PLPPR1: variants seen among roughly 807,000 people sequenced by gnomAD.
The protein encoded by PLPPR1 is phospholipid phosphatase related 1.
In PLPPR1, 10 loss-of-function variants were observed where a neutral mutation model predicts 33.1. That is an observed-to-expected ratio of 0.30 (90% CI 0.19 to 0.51). PLPPR1 has a LOEUF of 0.51. PLPPR1 is among the 20% of genes least tolerant of loss of function. The pLI, the probability that PLPPR1 is intolerant of heterozygous loss-of-function variation, is 0.97. For missense variants in PLPPR1, 304 were observed against 408.1 expected (o/e 0.74, Z 2.20); for synonymous variants, 151 against 151.0 (o/e 1.00, Z 0.00).
intron 1 of PLPPR1, among the ~76,000 whole-genome samples, chr9:101,049,959 T>G (rs1306412736): frequency 6.6e-6 from 1 of 151,650 alleles, no homozygotes; most frequent in Non-Finnish European, 1.5e-5. Context: ...AACCTGTCTC[T>G]ACTAAAAATG....
At chr9:101,225,226 C>T (rs1827038380) in intron 2 of PLPPR1, among the ~76,000 whole-genome samples, 1 of 152,158 alleles carries the variant, frequency 6.6e-6, no homozygotes, top group Admixed American at 6.5e-5. Context: ...CATTTGGACT[C>T]ATTTAAGGAA....
intron 1 of PLPPR1, among the ~76,000 whole-genome samples, chr9:101,090,350 G>A (rs1830726743): frequency 6.6e-6 from 1 of 151,994 alleles, no homozygotes; most frequent in Non-Finnish European, 1.5e-5. Flanking sequence ...ATGTATAAGA[G>A]TCCTTATTTC....
rs1215473758 is a variant in PLPPR1 at position 101,244,628 on chromosome 9, G to C, written c.64-25252G>C. On this transcript the variant is annotated intron_variant, in intron 2 of 7. Transcript: ENST00000374874. ...AGATATAGTATTGACTAAGATAGTA[G>C]GTTATTTGCACATATAAGTCTCTAT... 3.3e-5 allele frequency among the ~76,000 whole-genome samples: 5 copies of C among 151,940 alleles called. No individual in the cohort carries two copies. In the South Asian group the frequency reaches 1.0e-3, roughly 31 times the overall value.
At position 101,149,161 on chromosome 9, in the gene PLPPR1, AGTGGGAAAACACT is replaced by A. The variant is rs1831554012; in HGVS notation, c.-45-36286_-45-36274del. Among the ~76,000 whole-genome samples the A allele has an allele frequency of 2.0e-5, 3 of 152,232 alleles. No homozygotes were observed. In the South Asian group the frequency reaches 6.2e-4, roughly 31 times the overall value. On this transcript the variant is annotated intron_variant, in intron 1 of 7. Coordinates refer to ENST00000374874, the MANE Select transcript of PLPPR1 (RefSeq NM_207299.2). ...TGTGTTTTCCCCACATGTGTGAGAT[AGTGGGAAAACACT>A]GTTATCAGAGCTATGTTTAAAAGGA...
chr9:101,168,527 A>G (rs762729736), intron 1 of PLPPR1, among the ~76,000 whole-genome samples: 2 of 152,164 alleles, frequency 1.3e-5, no homozygotes, highest in South Asian at 2.1e-4. Context: ...ATGAATTCTC[A>G]TTCTCTATGT....
chr9:101,178,028 G>A (rs886346482), intron 1 of PLPPR1, among the ~76,000 whole-genome samples: 3 of 152,178 alleles, frequency 2.0e-5, no homozygotes, highest in Non-Finnish European at 2.9e-5. Flanking sequence ...CTAATGTGGA[G>A]GGACCTGAGT....
intron 1 of PLPPR1, among the ~76,000 whole-genome samples, chr9:101,124,153 G>T (rs1220426964): frequency 6.6e-6 from 1 of 152,164 alleles, no homozygotes; most frequent in Non-Finnish European, 1.5e-5. Flanking sequence ...ATTGCCGGTT[G>T]GTGATCCAGC....
chr9:101,142,525 C>T (rs1027853107), intron 1 of PLPPR1, among the ~76,000 whole-genome samples: 11 of 152,124 alleles, frequency 7.2e-5, no homozygotes, highest in African/African-American at 2.4e-4. Context: ...TTGCTTTGTC[C>T]CAGCTTGCTG....
chr9:101,179,915 G>C (rs1193193133), intron 1 of PLPPR1, among the ~76,000 whole-genome samples: 1 of 151,662 alleles, frequency 6.6e-6, no homozygotes, highest in East Asian at 1.9e-4. Context: ...GAAAAGGTTA[G>C]ACTGGCCTAG....
chr9:101,255,908 A>G (rs1827793817), intron 2 of PLPPR1, among the ~76,000 whole-genome samples: 1 of 152,218 alleles, frequency 6.6e-6, no homozygotes, highest in African/African-American at 2.4e-5. Context: ...AGGTAAAATA[A>G]TAACTCCTTA....
chr9:101,074,369 A>G (rs747841468), intron 1 of PLPPR1, among the ~76,000 whole-genome samples: 8 of 152,090 alleles, frequency 5.3e-5, no homozygotes, highest in Non-Finnish European at 1.0e-4. Flanking sequence ...TTTTTCCCTA[A>G]AAGAAAAAGT....
At chr9:101,104,519 G>T (rs1830946928) in intron 1 of PLPPR1, among the ~76,000 whole-genome samples, 1 of 128,966 alleles carries the variant, frequency 7.8e-6, no homozygotes. Flanking sequence ...TGGTGGATAA[G>T]CTTTTTGATG....
chr9:101,218,805 G>A (rs572982290), intron 2 of PLPPR1, among the ~76,000 whole-genome samples: 5 of 152,144 alleles, frequency 3.3e-5, no homozygotes, highest in South Asian at 2.1e-4. Flanking sequence ...ATTAAAACAC[G>A]GATAATAAAA....
At chr9:101,099,937 C>T (rs1830876245) in intron 1 of PLPPR1, among the ~76,000 whole-genome samples, 1 of 152,070 alleles carries the variant, frequency 6.6e-6, no homozygotes, top group African/African-American at 2.4e-5. Flanking sequence ...TAATAAATTG[C>T]TTCCCAGATC....
chr9:101,278,539 C>A (rs184164648), intron 3 of PLPPR1, among the ~76,000 whole-genome samples: 1 of 152,266 alleles, frequency 6.6e-6, no homozygotes, highest in Admixed American at 6.5e-5. Context: ...CACCCCTCCC[C>A]CAACCATCAC....
intron 2 of PLPPR1, among the ~76,000 whole-genome samples, chr9:101,222,677 A>G (rs1038562565): frequency 6.6e-6 from 1 of 152,200 alleles, no homozygotes; most frequent in African/African-American, 2.4e-5. Flanking sequence ...TTAAAACAGT[A>G]TGGAAGTCAA....
rs928324444 is a variant in PLPPR1 at position 101,185,510 on chromosome 9, A to G, written c.16A>G (p.Asn6Asp). 2.5e-6 allele frequency: 4 copies of G among 1,609,698 alleles called. No individual in the cohort carries two copies. Among genetic ancestry groups the G allele is most frequent in the Non-Finnish European group, 3.4e-6 (4 of 1,177,172 alleles). Residue 6 changes from asparagine to aspartate, a missense_variant, in exon 2 of 8, where the codon AAC becomes GAC. Transcript: ENST00000374874. ...GGTGTGAGAAATGGCTGTAGGAAAC[A>G]ACACTCAACGAAGTTATTCCATCAT... The part of the protein sequence containing the change: MAVGN[N>D]TQRSYSIIPC...
chr9:101,137,912 A>G (rs766982277), intron 1 of PLPPR1, among the ~76,000 whole-genome samples: 6 of 152,222 alleles, frequency 3.9e-5, no homozygotes, highest in African/African-American at 7.2e-5. Flanking sequence ...GGTTATTCAC[A>G]AATAATAAGC....
intron 5 of PLPPR1, among the ~76,000 whole-genome samples, chr9:101,310,411 G>T (rs1390618222): frequency 6.6e-6 from 1 of 152,088 alleles, no homozygotes; most frequent in East Asian, 1.9e-4. Context: ...ATTCTCAATG[G>T]AAAGTGTGGG....
Sources: gnomAD v4.1 joint callset for allele counts (sites outside exome capture counted in the v4.1 genomes callset) on GRCh38, gnomAD v4.1.1 for gene constraint, MANE v1.5 for transcripts, NCBI Gene and HGNC (gene_info 2026-07-23, HGNC 2026-07-21) for gene names.